The following WAC variants were observed in gnomAD, a reference collection of about 807,000 sequenced individuals.
The protein encoded by WAC is WW domain containing adaptor with coiled-coil.
WAC carries 11 observed loss-of-function variants against 79.6 expected under a neutral mutation model. The observed-to-expected ratio is 0.14, with a 90% CI of 0.09 to 0.23. WAC has a LOEUF of 0.23. WAC is among the 10% of genes least tolerant of loss of function. WAC has a pLI of 1.00. For synonymous variants in WAC, 304 were observed against 276.9 expected, an observed-to-expected ratio of 1.10 and a Z score of -0.97; for missense variants, 728 against 773.5, an observed-to-expected ratio of 0.94 and a Z score of 0.70.
At chr10:28,605,153 A>G (rs1198668803) in intron 7 of WAC, among the ~76,000 whole-genome samples, 1 of 152,158 alleles carries the variant, frequency 6.6e-6, no homozygotes, top group Admixed American at 6.5e-5. Context: ...TCTGTCCCTG[A>G]TCGTATCTTT....
chr10:28,549,661 G>C (rs1291313243), intron 3 of WAC, among the ~76,000 whole-genome samples: 2 of 152,082 alleles, frequency 1.3e-5, no homozygotes, highest in Non-Finnish European at 2.9e-5. Context: ...AACCCTGAAA[G>C]CCTGAATTTT....
At chr10:28,586,501 G>A (rs532760053) in intron 4 of WAC, among the ~76,000 whole-genome samples, 8 of 151,618 alleles carry the variant, frequency 5.3e-5, no homozygotes, top group African/African-American at 1.9e-4. Flanking sequence ...CATAGTAAGC[G>A]CCTGTCTCTA....
chr10:28,586,845 T>G (rs865840079), intron 4 of WAC, among the ~76,000 whole-genome samples: 1 of 152,356 alleles, frequency 6.6e-6, no homozygotes, highest in Middle Eastern at 3.4e-3. Flanking sequence ...AGATTTTCCC[T>G]TCTAAATATT....
At chr10:28,593,126 T>C (rs1232832251) in intron 6 of WAC, among the ~76,000 whole-genome samples, 3 of 152,246 alleles carry the variant, frequency 2.0e-5, no homozygotes, top group African/African-American at 7.2e-5. Flanking sequence ...TGTAGTCATG[T>C]ATCACACTTT....
intron 3 of WAC, among the ~76,000 whole-genome samples, chr10:28,580,590 T>C (rs1839482667): frequency 6.6e-6 from 1 of 152,136 alleles, no homozygotes; most frequent in South Asian, 2.1e-4. Flanking sequence ...TTTCAGTCAG[T>C]AAGATTAGGT....
rs1564426155 is a variant in WAC at position 28,621,214 on chromosome 10, G to GTTTTTTTT, written c.*1608_*1609insTTTTTTTT. 3 of 76,578 alleles carry GTTTTTTTT rather than the reference G, an allele frequency of 3.9e-5. No homozygotes were observed. Among genetic ancestry groups the GTTTTTTTT allele is most frequent in the Non-Finnish European group, 7.3e-5 (3 of 41,104 alleles). The allele number at this position is 76,578 out of a possible 1,614,324, so 4.7% of individuals were successfully genotyped here. On this transcript the variant is annotated 3_prime_UTR_variant, in exon 14 of 14. Coordinates refer to ENST00000354911, the MANE Select transcript of WAC (RefSeq NM_016628.5). Reference sequence around the variant, plus strand: ...TTAAATTGGTTTAGGGTTTTTTGGTGATTTTTTTTTTTTTTTTTTTTCTGT... The same window carrying GTTTTTTTT: ...TTAAATTGGTTTAGGGTTTTTTGGTGTTTTTTTTATTTTTTTTTTTTTTTTTTTTCTGT...
chr10:28,603,137 A>G (rs1840717908), intron 7 of WAC, among the ~76,000 whole-genome samples: 1 of 152,234 alleles, frequency 6.6e-6, no homozygotes, highest in Non-Finnish European at 1.5e-5. Context: ...AGACCATTTA[A>G]AGTAGGAGTA....
intron 3 of WAC, among the ~76,000 whole-genome samples, chr10:28,559,262 T>G (rs534177516): frequency 1.5e-4 from 23 of 152,006 alleles, no homozygotes; most frequent in African/African-American, 5.6e-4. Context: ...TAGTAAGATA[T>G]GCTTGGGAAG....
intron 3 of WAC, among the ~76,000 whole-genome samples, chr10:28,540,727 C>T (rs1050955865): frequency 2.0e-5 from 3 of 152,048 alleles, no homozygotes; most frequent in Non-Finnish European, 2.9e-5. Flanking sequence ...GACCTTTTTT[C>T]ATTGATTTAT....
intron 6 of WAC, among the ~76,000 whole-genome samples, chr10:28,593,889 A>G (rs898480741): frequency 6.6e-6 from 1 of 152,128 alleles, no homozygotes; most frequent in Non-Finnish European, 1.5e-5. Context: ...GTTTAGAGAA[A>G]CCTTACTTAG....
chr10:28,533,917 G>A, intron 1 of WAC, 81 bp from the exon 2 acceptor site: 2 of 1,539,770 alleles, frequency 1.3e-6, no homozygotes, highest in African/African-American at 1.4e-5. Flanking sequence ...GGGGAGGGGC[G>A]GCGGGGGCCC....
At chr10:28,562,668 A>G (rs1838365590) in intron 3 of WAC, among the ~76,000 whole-genome samples, 1 of 152,224 alleles carries the variant, frequency 6.6e-6, no homozygotes, top group African/African-American at 2.4e-5. Flanking sequence ...ACATTTAGGC[A>G]TTTCATTCTG....
rs542783987 is a variant in WAC at position 28,581,823 on chromosome 10, A to G, written c.275-1576A>G. 3.5e-4 allele frequency among the ~76,000 whole-genome samples: 53 copies of G among 152,262 alleles called. No individual in the cohort carries two copies. In the East Asian group the frequency reaches 6.8e-3, roughly 19 times the overall value. On this transcript the variant is annotated intron_variant, in intron 3 of 13. Coordinates refer to ENST00000354911, the MANE Select transcript of WAC (RefSeq NM_016628.5). ...GTGATCCACCTGCCTCGGCCTCCCA[A>G]AGTGTTCAGCTTATTTTTGACTGAT...
At chr10:28,597,623 T>G (rs144173890) in intron 7 of WAC, among the ~76,000 whole-genome samples, 47 of 152,318 alleles carry the variant, frequency 3.1e-4, no homozygotes, top group South Asian at 6.2e-4. Flanking sequence ...GTTACTGTTA[T>G]GACTACCAAG....
chr10:28,547,915 CTTT>C lies in WAC; in HGVS notation c.274+12171_274+12173del, dbSNP rs11408560. Among the ~76,000 whole-genome samples the C allele has an allele frequency of 8.3e-5, 11 of 132,316 alleles. No individual in the cohort carries two copies. In the South Asian group the frequency reaches 9.4e-4, roughly 11 times the overall value. 86.8% of individuals were successfully genotyped at this position (132,316 alleles called of 152,430 possible). ...ACATTTTAATTTTCTTTCTCTTTTT[CTTT>C]TTTTTTTTTTTTCTTCTTTGAGAGA... is the stretch of plus-strand genomic sequence containing the variant. On this transcript the variant is annotated intron_variant, in intron 3 of 13. Transcript: ENST00000354911.
chr10:28,578,136 G>C (rs1839341002), intron 3 of WAC, among the ~76,000 whole-genome samples: 1 of 152,104 alleles, frequency 6.6e-6, no homozygotes, highest in South Asian at 2.1e-4. Context: ...TCCAGCTTGG[G>C]TAACTGAGAG....
chr10:28,600,699 T>C (rs1840599162), intron 7 of WAC, among the ~76,000 whole-genome samples: 1 of 152,122 alleles, frequency 6.6e-6, no homozygotes, highest in Non-Finnish European at 1.5e-5. Context: ...TGGATTTGTC[T>C]TTTTAAAAAT....
At position 28,535,468 on chromosome 10, in the gene WAC, A is replaced by G. The variant is rs1040261679; in HGVS notation, c.79-94A>G. ...AAATTTTAATTTTGTAAGTTCATAAAATTTAATGATAATACACCAAAGTTT... is the reference window on the plus strand; with the variant it reads ...AAATTTTAATTTTGTAAGTTCATAAGATTTAATGATAATACACCAAAGTTT... On this transcript the variant is annotated intron_variant, in intron 2 of 13. Transcript: ENST00000354911. 55 of 1,392,458 alleles carry G rather than the reference A, an allele frequency of 3.9e-5. 1 individual carries two copies. The South Asian group carries it at 7.9e-4, about 20-fold the overall frequency. The allele number at this position is 1,392,458 out of a possible 1,614,324, so 86.3% of individuals were successfully genotyped here.
chr10:28,567,438 G>A (rs544177489), intron 3 of WAC, among the ~76,000 whole-genome samples: 2 of 152,200 alleles, frequency 1.3e-5, no homozygotes, highest in East Asian at 3.9e-4. Flanking sequence ...GCCAGGTTAA[G>A]GAAAGAGCTA....
Sources: gnomAD v4.1 joint callset for allele counts (sites outside exome capture counted in the v4.1 genomes callset) on GRCh38, gnomAD v4.1.1 for gene constraint, MANE v1.5 for transcripts, NCBI Gene and HGNC (gene_info 2026-07-23, HGNC 2026-07-21) for gene names.